Variants in ADGRE1 observed in about 807,000 individuals in gnomAD.
The protein encoded by ADGRE1 is EGF-like module receptor 1.
In ADGRE1, 82 loss-of-function variants were observed where a neutral mutation model predicts 102.7. The observed-to-expected ratio is 0.80, with a 90% CI of 0.67 to 0.96. The LOEUF is 0.96. Among genes scored for constraint, ADGRE1 ranks in the 40% least tolerant of loss-of-function variants. The pLI, the probability that ADGRE1 is intolerant of heterozygous loss-of-function variation, is 0.00. For missense variants in ADGRE1, 1,032 were observed against 1,085.3 expected (o/e 0.95, Z 0.69); for synonymous variants, 398 against 399.6 (o/e 1.00, Z 0.05).
At chr19:6,938,388 GA>G (rs1362152943) in intron 20 of ADGRE1, among the ~76,000 whole-genome samples, 10 of 152,060 alleles carry the variant, frequency 6.6e-5, no homozygotes, top group Non-Finnish European at 1.0e-4. Context: ...TTTATATAGA[GA>G]AAATTTTTAT....
In ADGRE1 at chr19:6,924,694, A is replaced by G; in HGVS notation, c.1808A>G (p.Tyr603Cys). The G allele has an allele frequency of 6.2e-7, 1 of 1,613,916 alleles. No individual in the cohort carries two copies. Among genetic ancestry groups the G allele is most frequent in the Non-Finnish European group, 8.5e-7 (1 of 1,179,872 alleles). The stretch of plus-strand genomic sequence containing the variant: ...TCCTGACAGATGGACTTTTCCTTGT[A>G]CATCATTAGCCATGTAGGCATTATC... The part of the protein sequence containing the change: ...SGELTMDFSL[Y>C]IISHVGIIIS... Residue 603 changes from tyrosine (Y) to cysteine (C), a missense_variant, in exon 15 of 21, where the codon TAC becomes TGC. Transcript: ENST00000312053.
chr19:6,906,296 G>A, intron 8 of ADGRE1, 137 bp from the exon 9 acceptor site: 2 of 679,884 alleles, frequency 2.9e-6, no homozygotes, highest in Non-Finnish European at 5.1e-6. Context: ...GTTGTGGTTT[G>A]TTCATTTTCC....
At chr19:6,894,643 T>C (rs1973486593) in intron 2 of ADGRE1, among the ~76,000 whole-genome samples, 1 of 152,062 alleles carries the variant, frequency 6.6e-6, no homozygotes. Context: ...GTTGAGTAAT[T>C]TGAGTTTTAT....
intron 17 of ADGRE1, among the ~76,000 whole-genome samples, chr19:6,930,381 C>T (rs565523237): frequency 6.6e-6 from 1 of 152,314 alleles, no homozygotes; most frequent in East Asian, 1.9e-4. Flanking sequence ...TCTTCTGACT[C>T]TCACTCATGG....
chr19:6,915,636 A>G (rs765749363), intron 11 of ADGRE1, among the ~76,000 whole-genome samples: 1 of 151,994 alleles, frequency 6.6e-6, no homozygotes, highest in Non-Finnish European at 1.5e-5. Context: ...GAAAACTTAT[A>G]TAAGGCCGGG....
intron 6 of ADGRE1, among the ~76,000 whole-genome samples, chr19:6,903,174 G>A (rs1973832165): frequency 6.6e-6 from 1 of 152,148 alleles, no homozygotes. Flanking sequence ...AAATTTCTAG[G>A]GAAGGGGTAG....
chr19:6,916,450 C>G, intron 12 of ADGRE1, 82 bp downstream of exon 12: 9 of 1,519,680 alleles, frequency 5.9e-6, no homozygotes, highest in Non-Finnish European at 8.0e-6. Flanking sequence ...GTGCCAAGAC[C>G]AGTGCCAGAT....
chr19:6,912,669 T>C (rs1304040405), intron 10 of ADGRE1, among the ~76,000 whole-genome samples: 5 of 152,226 alleles, frequency 3.3e-5, no homozygotes, highest in Non-Finnish European at 7.3e-5. Context: ...CCTATAGGTA[T>C]ACTGCAATAT....
intron 14 of ADGRE1, among the ~76,000 whole-genome samples, chr19:6,922,378 G>A (rs1459345210): frequency 3.3e-5 from 5 of 152,126 alleles, no homozygotes; most frequent in Non-Finnish European, 5.9e-5. Flanking sequence ...CACTTTGGGA[G>A]GCTGAGGCGG....
rs1227763875 is a variant in ADGRE1 at position 6,929,275 on chromosome 19, C to T, written c.2289+1064C>T. 5.3e-5 allele frequency among the ~76,000 whole-genome samples: 8 copies of T among 152,176 alleles called. No homozygotes were observed. In the South Asian group the frequency reaches 1.7e-3, roughly 31 times the overall value. The stretch of plus-strand genomic sequence containing the variant: ...TGTGTCTTGCAAGAGAGAGGGCCTC[C>T]TGAGTGGGACTTCTGGCCCGCAGCA... On this transcript the variant is annotated intron_variant, in intron 17 of 20. Transcript: ENST00000312053.
intron 10 of ADGRE1, 33 bp from the exon 11 acceptor site, chr19:6,913,620 A>T: frequency 2.0e-6 from 3 of 1,533,848 alleles, no homozygotes; most frequent in Non-Finnish European, 2.6e-6. Flanking sequence ...TGAGAGAGAG[A>T]GAGAGAATGA....
At position 6,887,605 on chromosome 19, in the gene ADGRE1, C is replaced by T; in HGVS notation, c.-4C>T. The T allele has an allele frequency of 3.7e-6, 6 of 1,612,704 alleles. No homozygotes were observed. The highest frequency in any genetic ancestry group is 5.1e-6 in the Non-Finnish European group (6 of 1,179,482). On this transcript the variant is annotated 5_prime_UTR_variant, in exon 1 of 21. Transcript: ENST00000312053. ...TTTTCTTTGAATGACAGAACTACAG[C>T]ATAATGCGTGGCTTCAACCTGCTCC...
chr19:6,926,328 G>A (rs1201082201), intron 15 of ADGRE1, 38 bp from the exon 16 acceptor site: 3 of 1,604,196 alleles, frequency 1.9e-6, no homozygotes, highest in African/African-American at 2.7e-5. Flanking sequence ...TTTCTCTCTG[G>A]GGTGGAGGAT....
chr19:6,937,010 G>A (rs1054493701), intron 18 of ADGRE1, among the ~76,000 whole-genome samples: 2 of 152,044 alleles, frequency 1.3e-5, no homozygotes, highest in East Asian at 3.9e-4. Flanking sequence ...TGCCCACCTC[G>A]GCCTCCCAAA....
chr19:6,924,722 C>G lies in ADGRE1; in HGVS notation c.1836C>G (p.Ile612Met). 6.2e-7 allele frequency: 1 copy of G among 1,614,202 alleles called. No individual in the cohort carries two copies. The highest frequency in any genetic ancestry group is 2.2e-5 in the East Asian group (1 of 44,872). ...TCATTAGCCATGTAGGCATTATCATCTCCTTGGTGTGCCTCGTCTTGGCCA... is the reference window on the plus strand; with the variant it reads ...TCATTAGCCATGTAGGCATTATCATGTCCTTGGTGTGCCTCGTCTTGGCCA... ...LYIISHVGII[I>M]SLVCLVLAIA... is the part of the protein sequence containing the mutation. Residue 612 changes from isoleucine (I) to methionine (M), a missense_variant, in exon 15 of 21, where the codon ATC becomes ATG. Transcript: ENST00000312053.
chr19:6,898,214 T>A (rs1599716994), intron 5 of ADGRE1: 1 of 1,107,032 alleles, frequency 9.0e-7, no homozygotes, highest in East Asian at 2.6e-5. Context: ...GAAGCGCATA[T>A]GGGATGGGAG....
At position 6,940,076 on chromosome 19, in the gene ADGRE1, A is replaced by G. The variant is rs754647938; in HGVS notation, c.*47A>G. ...ATGCTATGGAGCCACAGTTGAGGACAGTAGTTTCCTGCAGGAGCCTACCCT... is the reference window on the plus strand; with the variant it reads ...ATGCTATGGAGCCACAGTTGAGGACGGTAGTTTCCTGCAGGAGCCTACCCT... On this transcript the variant is annotated 3_prime_UTR_variant, in exon 21 of 21. Coordinates refer to ENST00000312053, the MANE Select transcript of ADGRE1 (RefSeq NM_001974.5). 3.1e-6 allele frequency: 5 copies of G among 1,608,038 alleles called. No individual in the cohort carries two copies. The highest frequency in any genetic ancestry group is 4.3e-6 in the Non-Finnish European group (5 of 1,175,738).
At chr19:6,921,665 G>A in intron 13 of ADGRE1, 48 bp from the exon 14 acceptor site, 2 of 1,506,364 alleles carry the variant, frequency 1.3e-6, no homozygotes, top group South Asian at 1.3e-5. Context: ...TCCATTTGAT[G>A]GGGATTCCCA....
At chr19:6,888,390 C>A (rs1030318824) in intron 1 of ADGRE1, among the ~76,000 whole-genome samples, 1 of 152,176 alleles carries the variant, frequency 6.6e-6, no homozygotes, top group African/African-American at 2.4e-5. Flanking sequence ...TCTTATTTCT[C>A]TTTCTTCAGG....
Sources: gnomAD v4.1 joint callset for allele counts (sites outside exome capture counted in the v4.1 genomes callset) on GRCh38, gnomAD v4.1.1 for gene constraint, MANE v1.5 for transcripts, NCBI Gene and HGNC (gene_info 2026-07-23, HGNC 2026-07-21) for gene names.